ERN2: variants seen among roughly 807,000 people sequenced by gnomAD.
ERN2 encodes endoplasmic reticulum to nucleus signaling 2, also known as serine/threonine-protein kinase/endoribonuclease IRE2.
ERN2 carries 111 observed loss-of-function variants against 107.9 expected under a neutral mutation model. The observed-to-expected ratio is 1.03, with a 90% CI of 0.88 to 1.20. The LOEUF (loss-of-function observed/expected upper bound fraction) is 1.20. Ranked by LOEUF, ERN2 falls within the 50% of genes most tolerant of loss-of-function variation. The pLI, the probability that ERN2 is intolerant of heterozygous loss-of-function variation, is 0.00. For missense variants in ERN2, 1,225 were observed against 1,197.9 expected (o/e 1.02, Z -0.33); for synonymous variants, 524 against 501.7 (o/e 1.04, Z -0.59).
At chr16:23,698,509 AGAGGTCCT>A (rs1959917643) in intron 13 of ERN2, among the ~76,000 whole-genome samples, 1 of 152,248 alleles carries the variant, frequency 6.6e-6, no homozygotes, top group Non-Finnish European at 1.5e-5. Flanking sequence ...TGATGCAGCC[AGAGGTCCT>A]GAGGGAGGCC....
At chr16:23,709,717 A>C (rs941531424) in intron 4 of ERN2, 6 of 179,412 alleles carry the variant, frequency 3.3e-5, no homozygotes, top group Admixed American at 2.7e-4. Context: ...ACAGCCATCC[A>C]GTTGACTAGC....
rs1436190002 is a variant in ERN2 at position 23,704,939 on chromosome 16, A to G, written c.798T>C (p.Pro266=). The G allele has an allele frequency of 6.8e-6, 11 of 1,613,604 alleles. No individual in the cohort carries two copies. The highest frequency in any genetic ancestry group is 8.5e-6 in the Non-Finnish European group (10 of 1,180,048). ...TGGCTGTGTCCCGGGGGCCTGAGGC[A>G]GGCAGTCGGATGTGGCCCCAGCGGA... ...LALRWGHIRL[P]ASGPRDTATL... Residue 266 remains proline (P), a synonymous_variant, in exon 8 of 22, where the codon CCT becomes CCC. Coordinates refer to ENST00000256797, the MANE Select transcript of ERN2 (RefSeq NM_033266.4).
chr16:23,695,180 T>C lies in ERN2; in HGVS notation c.1800+20A>G. 6.2e-7 allele frequency: 1 copy of C among 1,613,824 alleles called. No individual in the cohort carries two copies. Among genetic ancestry groups the C allele is most frequent in the South Asian group, 1.1e-5 (1 of 91,070 alleles). ...CCCGGACCTTCCCACTCACCCTCCC[T>C]GAACCGCAATGCAACTCACCTCCTG... is the stretch of plus-strand genomic sequence containing the variant. On this transcript the variant is annotated intron_variant, in intron 15 of 21. Transcript: ENST00000256797.
At chr16:23,704,827 C>A in intron 8 of ERN2, 56 bp downstream of exon 8, 1 of 1,571,462 alleles carries the variant, frequency 6.4e-7, no homozygotes, top group Admixed American at 1.7e-5. Context: ...CCATCAGACC[C>A]AGGTTGCGAC....
At chr16:23,697,044 GCCTGTCATCC>G (rs1337126483) in intron 13 of ERN2, 96 of 152,038 alleles carry the variant, frequency 6.3e-4, no homozygotes, top group African/African-American at 2.3e-3. Context: ...GGTGTTGTGT[GCCTGTCATCC>G]AGCTACTCAG....
rs9932495 is a variant in ERN2, at chr16:23,710,544, C to T, written c.205G>A (p.Val69Ile). ...GTGACGTACATTGGTCCTTCGATGA[C>T]GGGATCTGCAGGGACAGGGACACAG... ...DLKWTLRDDP[V>I]IEGPMYVTEM... The change falls in exon 3 of 22, where the codon GTC becomes ATC. Residue 69 changes from valine to isoleucine, a missense_variant. Val to Ile is a conservative substitution (Grantham distance 29). Transcript: ENST00000256797. 5,592 of 1,614,130 alleles carry T rather than the reference C, an allele frequency of 3.5e-3. 156 individuals are homozygous for T. In the African/African-American group the frequency reaches 0.058, roughly 17 times the overall value.
intron 4 of ERN2, chr16:23,707,294 G>C (rs778469066): frequency 3.5e-6 from 2 of 567,910 alleles, no homozygotes; most frequent in Non-Finnish European, 6.4e-6. Flanking sequence ...AGGCAGTCAG[G>C]CTCCAGAGCC....
chr16:23,693,828 G>A (rs936213718), intron 17 of ERN2, among the ~76,000 whole-genome samples: 1 of 152,122 alleles, frequency 6.6e-6, no homozygotes, highest in African/African-American at 2.4e-5. Flanking sequence ...GGTCCCAAAC[G>A]CAAGTGTCTG....
At position 23,702,433 on chromosome 16, in the gene ERN2, G is replaced by T; in HGVS notation, c.1038C>A (p.Tyr346Ter). The T allele has an allele frequency of 3.7e-6, 6 of 1,613,636 alleles. No homozygotes were observed. The highest frequency in any genetic ancestry group is 5.1e-6 in the Non-Finnish European group (6 of 1,180,036). Residue 346 changes from tyrosine (Y) to a stop codon, truncating the protein, a stop_gained, in exon 10 of 22, where the codon TAC becomes TAA. Transcript: ENST00000256797. LOFTEE classifies it high-confidence loss of function. ...TTGGGAGGGCCACACTGCCTGAGGG[G>T]TATCTAACAGCAGTGCTGGGTGAGC... ...REGSPSTAVR[Y>*]PSGSVALPSQ...
chr16:23,703,295 C>T (rs1297345657), intron 8 of ERN2, among the ~76,000 whole-genome samples: 2 of 152,094 alleles, frequency 1.3e-5, no homozygotes, highest in South Asian at 2.1e-4. Flanking sequence ...CCTTCTTCTC[C>T]CCCACCTCCT....
intron 11 of ERN2, among the ~76,000 whole-genome samples, chr16:23,701,483 C>G (rs538959999): frequency 1.3e-4 from 20 of 152,336 alleles, no homozygotes; most frequent in African/African-American, 4.6e-4. Context: ...GCTGTTCCTT[C>G]TAACCTTGAG....
In ERN2 at chr16:23,695,214, C is replaced by G; in HGVS notation, c.1786G>C (p.Ala596Pro). 1 of 1,614,104 alleles carries G rather than the reference C, an allele frequency of 6.2e-7. No homozygotes were observed. The highest frequency in any genetic ancestry group is 8.5e-7 in the Non-Finnish European group (1 of 1,179,978). Residue 596 changes from alanine to proline, a missense_variant, in exon 15 of 22, where the codon GCC (alanine) becomes CCC (proline). Coordinates refer to ENST00000256797, the MANE Select transcript of ERN2 (RefSeq NM_033266.4). ...FHYIALELCR[A>P]SLQEYVENPD... ...ATGCAACTCACCTCCTGCAAGGAGG[C>G]CCGGCAGAGCTCCAGGGCAATGTAG...
chr16:23,708,202 C>A (rs1960400139), intron 4 of ERN2, among the ~76,000 whole-genome samples: 1 of 152,140 alleles, frequency 6.6e-6, no homozygotes, highest in Admixed American at 6.5e-5. Context: ...ACCCCACTGT[C>A]ACAAACCAAA....
chr16:23,710,178 T>A lies in ERN2; in HGVS notation c.300A>T (p.Gly100=), dbSNP rs773959806. The A allele has an allele frequency of 6.2e-7, 1 of 1,612,048 alleles. No individual in the cohort carries two copies. Among genetic ancestry groups the A allele is most frequent in the Non-Finnish European group, 8.5e-7 (1 of 1,178,118 alleles). Residue 100 remains glycine (G), a synonymous_variant, in exon 4 of 22, where the codon GGA becomes GGT. Transcript: ENST00000256797. ...AACACCATGGGATACAAACCATTAATCCCTGTTGTTTTTGGGTCCCCAAGA... is the reference window on the plus strand; with the variant it reads ...AACACCATGGGATACAAACCATTAAACCCTGTTGTTTTTGGGTCCCCAAGA... ...LYILGTQKQQ[G]LMKLPFTIPE... is the part of the protein sequence containing the mutation.
rs764053963 is a variant in ERN2 at position 23,690,998 on chromosome 16, C to T, written c.2614G>A (p.Gly872Ser). 7 of 1,614,166 alleles carry T rather than the reference C, an allele frequency of 4.3e-6. No homozygotes were observed. In the Admixed American group the frequency reaches 5.0e-5, roughly 12 times the overall value. ...ELPVEVRQAL[G>S]QVPDGFVQYF... ...TGGACGAAGCCATCAGGGACTTGGC[C>T]GAGTGCCTGTCGCACCTCAACTGGG... The change falls in exon 22 of 22, where the codon GGC (glycine) becomes AGC (serine). Residue 872 changes from glycine to serine, a missense_variant. Transcript: ENST00000256797.
Position 23,702,537 on chromosome 16 carries a change from G to T in ERN2, c.934C>A (p.Pro312Thr). Reference protein sequence around the residue: ...ALVHTGVALVPRGLTLAPADG... With the variant: ...ALVHTGVALVTRGLTLAPADG... ...GCGGGGGCCAGGGTCAGTCCACGAGGCTATGGCAGAAGATGGAGAGCCATG... is the reference window on the plus strand; with the variant it reads ...GCGGGGGCCAGGGTCAGTCCACGAGTCTATGGCAGAAGATGGAGAGCCATG... Residue 312 changes from proline to threonine, a missense_variant and splice_region_variant, in exon 10 of 22, where the codon CCT becomes ACT. Physicochemically the swap from Pro to Thr is conservative, Grantham distance 38. Coordinates refer to ENST00000256797, the MANE Select transcript of ERN2 (RefSeq NM_033266.4). 1 of 1,613,906 alleles carries T rather than the reference G, an allele frequency of 6.2e-7. No homozygotes were observed. Among genetic ancestry groups the T allele is most frequent in the Non-Finnish European group, 8.5e-7 (1 of 1,179,858 alleles).
intron 17 of ERN2, among the ~76,000 whole-genome samples, chr16:23,694,211 G>A (rs937722896): frequency 1.1e-4 from 16 of 152,148 alleles, no homozygotes; most frequent in African/African-American, 3.4e-4. Flanking sequence ...TACCCAGGCT[G>A]GTCTCGAACT....
chr16:23,704,619 G>A (rs917705614), intron 8 of ERN2, among the ~76,000 whole-genome samples: 3 of 152,170 alleles, frequency 2.0e-5, no homozygotes, highest in African/African-American at 4.8e-5. Context: ...GCATGAAACA[G>A]ACTAATACAC....
chr16:23,707,323 G>A, intron 4 of ERN2: 1 of 518,494 alleles, frequency 1.9e-6, no homozygotes. Flanking sequence ...GAATCATTTT[G>A]CTACACAGCC....
Sources: gnomAD v4.1 joint callset for allele counts (sites outside exome capture counted in the v4.1 genomes callset) on GRCh38, gnomAD v4.1.1 for gene constraint, MANE v1.5 for transcripts, NCBI Gene and HGNC (gene_info 2026-07-23, HGNC 2026-07-21) for gene names.